The following RGS7BP variants were observed in gnomAD, a reference collection of about 807,000 sequenced individuals.
RGS7BP encodes regulator of G protein signaling 7-binding protein.
Under a neutral mutation model 31.3 loss-of-function variants are expected in RGS7BP, and 9 were observed. The ratio of observed to expected loss-of-function variants is 0.29; its 90% CI spans 0.17 to 0.50. The LOEUF is 0.50. Ranked by LOEUF, RGS7BP falls within the 20% of genes least tolerant of loss-of-function variation. The probability of loss-of-function intolerance (pLI) is 0.98; values close to 1 mark genes in which losing one functional copy is unlikely to be tolerated. For synonymous variants in RGS7BP, 115 were observed against 120.1 expected, an observed-to-expected ratio of 0.96 and a Z score of 0.28; for missense variants, 274 against 322.0, an observed-to-expected ratio of 0.85 and a Z score of 1.14.
At chr5:64,596,613 C>T (rs1385129557) in intron 4 of RGS7BP, among the ~76,000 whole-genome samples, 1 of 152,130 alleles carries the variant, frequency 6.6e-6, no homozygotes, top group African/African-American at 2.4e-5. Context: ...GGAGGTGGGG[C>T]CACACTTCCT....
chr5:64,513,572 C>G (rs997117391), intron 2 of RGS7BP, among the ~76,000 whole-genome samples: 1 of 152,204 alleles, frequency 6.6e-6, no homozygotes, highest in African/African-American at 2.4e-5. Context: ...CCTTTCAACA[C>G]TTTGGCTGAG....
chr5:64,544,321 T>C (rs776172200), intron 2 of RGS7BP, among the ~76,000 whole-genome samples: 2 of 152,094 alleles, frequency 1.3e-5, no homozygotes, highest in Non-Finnish European at 2.9e-5. Flanking sequence ...TAATGCTGGT[T>C]AGAGATTTTA....
At chr5:64,568,786 T>G (rs529553861) in intron 2 of RGS7BP, among the ~76,000 whole-genome samples, 35 of 151,882 alleles carry the variant, frequency 2.3e-4, no homozygotes, top group African/African-American at 8.0e-4. Context: ...GTTATTGTTT[T>G]TTTTTTTTTT....
chr5:64,547,215 G>T (rs1165584349), intron 2 of RGS7BP, among the ~76,000 whole-genome samples: 6 of 152,134 alleles, frequency 3.9e-5, no homozygotes, highest in African/African-American at 1.4e-4. Flanking sequence ...TATATCTTCT[G>T]ATGGACAAAG....
chr5:64,524,980 T>C (rs1236914222), intron 2 of RGS7BP, among the ~76,000 whole-genome samples: 2 of 152,114 alleles, frequency 1.3e-5, no homozygotes, highest in Non-Finnish European at 2.9e-5. Flanking sequence ...CTTGGTGGCC[T>C]GGGGCTTGAG....
At chr5:64,534,904 G>T (rs1356310774) in intron 2 of RGS7BP, among the ~76,000 whole-genome samples, 1 of 152,134 alleles carries the variant, frequency 6.6e-6, no homozygotes, top group Admixed American at 6.5e-5. Flanking sequence ...GGGCACTGAG[G>T]TGCTCTCTTA....
Position 64,538,546 on chromosome 5 carries a change from C to CTTTTTTTTTTTTTTTTTT in RGS7BP, c.332+30680_332+30697dup, listed in dbSNP as rs1191560944. On this transcript the variant is annotated intron_variant, in intron 2 of 5. Coordinates refer to ENST00000334025, the MANE Select transcript of RGS7BP (RefSeq NM_001029875.3). ...TTCTTTTCTTTTTTTTTTTCCTTTT[C>CTTTTTTTTTTTTTTTTTT]TTTTTTTTTTTTTTTTTTTTTTTTT... Among the ~76,000 whole-genome samples, 4 of 40,026 alleles carry CTTTTTTTTTTTTTTTTTT rather than the reference C, an allele frequency of 1.0e-4. 1 individual carries two copies. The highest frequency in any genetic ancestry group is 3.9e-4 in the Admixed American group (1 of 2,534). The allele number at this position is 40,026 out of a possible 152,430, so 26.3% of individuals were successfully genotyped here.
intron 2 of RGS7BP, among the ~76,000 whole-genome samples, chr5:64,546,824 T>C (rs1303877787): frequency 1.3e-5 from 2 of 152,194 alleles, no homozygotes; most frequent in Non-Finnish European, 2.9e-5. Flanking sequence ...TCTATGTATA[T>C]AGTTCATTTA....
intron 2 of RGS7BP, among the ~76,000 whole-genome samples, chr5:64,525,195 C>G (rs968790520): frequency 1.3e-5 from 2 of 151,896 alleles, no homozygotes; most frequent in African/African-American, 4.8e-5. Context: ...AGCAGATAGG[C>G]GTATGCAAAT....
At chr5:64,601,560 A>G (rs377192934) in intron 5 of RGS7BP, 104 of 422,458 alleles carry the variant, frequency 2.5e-4, no homozygotes, top group African/African-American at 2.0e-3. Flanking sequence ...AGGCCAAGAG[A>G]TGCACGAAAG....
chr5:64,590,459 G>A (rs1008762791), intron 3 of RGS7BP, among the ~76,000 whole-genome samples: 4 of 151,964 alleles, frequency 2.6e-5, no homozygotes, highest in Non-Finnish European at 5.9e-5. Flanking sequence ...AGTTCCAAGA[G>A]AAAACTGCAT....
At chr5:64,591,025 C>A (rs1742900870) in intron 3 of RGS7BP, among the ~76,000 whole-genome samples, 1 of 151,938 alleles carries the variant, frequency 6.6e-6, no homozygotes, top group East Asian at 1.9e-4. Flanking sequence ...ATAGGCAAGG[C>A]ACAGTACTAA....
intron 2 of RGS7BP, among the ~76,000 whole-genome samples, chr5:64,567,683 C>T (rs1282152310): frequency 1.3e-5 from 2 of 150,730 alleles, no homozygotes; most frequent in Admixed American, 1.3e-4. Flanking sequence ...TTCCATAAAA[C>T]CTGTAGCTTT....
At chr5:64,516,285 G>A (rs1054489907) in intron 2 of RGS7BP, among the ~76,000 whole-genome samples, 4 of 152,182 alleles carry the variant, frequency 2.6e-5, no homozygotes, top group Non-Finnish European at 4.4e-5. Flanking sequence ...TTCAGTCACT[G>A]AGAATATCTT....
intron 2 of RGS7BP, among the ~76,000 whole-genome samples, chr5:64,538,546 CTTTTTTTTTTTT>C (rs1191560944): frequency 7.5e-5 from 3 of 40,026 alleles, no homozygotes; most frequent in Non-Finnish European, 1.3e-4. Context: ...TTTTCCTTTT[CTTTTTTTTTTTT>C]TTTTTTTTTT....
At chr5:64,541,860 T>C (rs1489782310) in intron 2 of RGS7BP, among the ~76,000 whole-genome samples, 1 of 152,216 alleles carries the variant, frequency 6.6e-6, no homozygotes, top group African/African-American at 2.4e-5. Flanking sequence ...TCTCTGCTGG[T>C]TCTTCTTTTG....
At chr5:64,529,858 T>C (rs1026066346) in intron 2 of RGS7BP, among the ~76,000 whole-genome samples, 2 of 152,224 alleles carry the variant, frequency 1.3e-5, no homozygotes, top group African/African-American at 4.8e-5. Context: ...TTCCTTTAGT[T>C]GTGTTCCTGC....
intron 2 of RGS7BP, among the ~76,000 whole-genome samples, chr5:64,516,776 T>G (rs921516044): frequency 1.3e-5 from 2 of 152,158 alleles, no homozygotes; most frequent in African/African-American, 4.8e-5. Flanking sequence ...CTGCCTAGAA[T>G]AGCGATTCTC....
chr5:64,583,573 A>C (rs184602779), intron 3 of RGS7BP, among the ~76,000 whole-genome samples: 2 of 152,322 alleles, frequency 1.3e-5, no homozygotes, highest in East Asian at 1.9e-4. Context: ...TAATAAGTGC[A>C]ATGAAAATAA....
Sources: gnomAD v4.1 joint callset for allele counts (sites outside exome capture counted in the v4.1 genomes callset) on GRCh38, gnomAD v4.1.1 for gene constraint, MANE v1.5 for transcripts, NCBI Gene and HGNC (gene_info 2026-07-23, HGNC 2026-07-21) for gene names.